Variants in IMMP2L observed in about 807,000 individuals in gnomAD.
IMMP2L encodes inner mitochondrial membrane peptidase subunit 2.
In IMMP2L, 18 loss-of-function variants were observed where a neutral mutation model predicts 19.3. The ratio of observed to expected loss-of-function variants is 0.93; its 90% confidence interval spans 0.64 to 1.38. The LOEUF (loss-of-function observed/expected upper bound fraction) is 1.38, where lower values mean the gene tolerates loss of function less well. IMMP2L is among the 40% of genes most tolerant of loss of function. The pLI, the probability that IMMP2L is intolerant of heterozygous loss-of-function variation, is 0.00. For synonymous variants in IMMP2L, 76 were observed against 73.0 expected (o/e 1.04, Z -0.21); for missense variants, 233 against 218.2 (o/e 1.07, Z -0.43).
chr7:111,451,297 G>T (rs1201200108), intron 3 of IMMP2L, among the ~76,000 whole-genome samples: 5 of 150,544 alleles, frequency 3.3e-5, no homozygotes, highest in Non-Finnish European at 4.4e-5. Flanking sequence ...CAATAGCAAA[G>T]ACTTGGAACC....
At chr7:110,784,329 G>A (rs553901273) in intron 5 of IMMP2L, among the ~76,000 whole-genome samples, 34 of 151,934 alleles carry the variant, frequency 2.2e-4, no homozygotes, top group African/African-American at 8.0e-4. Context: ...ATCATGTAAC[G>A]ACTGCATCTA....
chr7:110,780,331 AC>A (rs1799650220), intron 5 of IMMP2L, among the ~76,000 whole-genome samples: 2 of 151,332 alleles, frequency 1.3e-5, no homozygotes, highest in African/African-American at 2.4e-5. Context: ...GTTAAAAAAA[AC>A]AAACTGTTAC....
intron 5 of IMMP2L, among the ~76,000 whole-genome samples, chr7:110,718,569 A>G (rs1487408338): frequency 6.6e-6 from 1 of 152,222 alleles, no homozygotes; most frequent in Non-Finnish European, 1.5e-5. Flanking sequence ...GATAGAATGG[A>G]TAAAAACCAG....
At chr7:111,011,777 T>C (rs2129563710) in intron 3 of IMMP2L, among the ~76,000 whole-genome samples, 1 of 152,314 alleles carries the variant, frequency 6.6e-6, no homozygotes, top group Admixed American at 6.5e-5. Flanking sequence ...ACTTGTGTGA[T>C]TTTGATAGGC....
chr7:111,540,882 G>C (rs1848452572), intron 1 of IMMP2L, among the ~76,000 whole-genome samples: 1 of 152,084 alleles, frequency 6.6e-6, no homozygotes, highest in African/African-American at 2.4e-5. Flanking sequence ...CCAGTCAGGA[G>C]AGTAACGGAG....
chr7:111,193,781 T>C (rs1732985961), intron 3 of IMMP2L, among the ~76,000 whole-genome samples: 3 of 152,178 alleles, frequency 2.0e-5, no homozygotes, highest in Admixed American at 6.5e-5. Context: ...GGTTAGCTAA[T>C]AGTATTTTTA....
intron 3 of IMMP2L, among the ~76,000 whole-genome samples, chr7:111,148,253 C>T (rs1803694321): frequency 6.6e-6 from 1 of 151,996 alleles, no homozygotes; most frequent in Admixed American, 6.6e-5. Context: ...AGAATCCACT[C>T]ACAATAAGTT....
chr7:111,272,438 T>G (rs1213806779), intron 3 of IMMP2L, among the ~76,000 whole-genome samples: 1 of 152,188 alleles, frequency 6.6e-6, no homozygotes, highest in Non-Finnish European at 1.5e-5. Flanking sequence ...ACACTGCTAC[T>G]TTAGTATGAT....
intron 3 of IMMP2L, among the ~76,000 whole-genome samples, chr7:110,968,446 A>G (rs1819788499): frequency 6.6e-6 from 1 of 152,014 alleles, no homozygotes; most frequent in Non-Finnish European, 1.5e-5. Context: ...TATGAGGAGG[A>G]TGGATGGCTT....
At chr7:111,168,163 G>T (rs1465530577) in intron 3 of IMMP2L, among the ~76,000 whole-genome samples, 3 of 151,814 alleles carry the variant, frequency 2.0e-5, no homozygotes, top group Admixed American at 2.0e-4. Context: ...CTGTAAAAAT[G>T]GACTTAATTT....
chr7:111,351,337 C>T (rs1163819846), intron 3 of IMMP2L, among the ~76,000 whole-genome samples: 1 of 152,120 alleles, frequency 6.6e-6, no homozygotes, highest in Admixed American at 6.6e-5. Flanking sequence ...ATTACAGACG[C>T]GTGCCACCAC....
chr7:110,973,925 T>C (rs1426626175), intron 3 of IMMP2L, among the ~76,000 whole-genome samples: 1 of 152,054 alleles, frequency 6.6e-6, no homozygotes, highest in Non-Finnish European at 1.5e-5. Flanking sequence ...TGGGAGATTA[T>C]TAAGTCAAAA....
At chr7:111,360,508 GAA>G (rs1829160376) in intron 3 of IMMP2L, among the ~76,000 whole-genome samples, 1 of 151,972 alleles carries the variant, frequency 6.6e-6, no homozygotes, top group African/African-American at 2.4e-5. Context: ...GCCAGATATT[GAA>G]GAGATTTATG....
At chr7:110,773,080 C>G (rs1799144913) in intron 5 of IMMP2L, among the ~76,000 whole-genome samples, 1 of 151,760 alleles carries the variant, frequency 6.6e-6, no homozygotes. Context: ...GTATAAATTC[C>G]ACGTAACAAG....
rs772346929 is a variant in IMMP2L, at chr7:110,669,477, C to T, written c.409-5756G>A. The stretch of plus-strand genomic sequence containing the variant: ...TCAAAAGCACACTCAAAGAAACATC[C>T]GGAATAATGCTCGACCAAAGATCTG... On this transcript the variant is annotated intron_variant, in intron 5 of 5. Coordinates refer to ENST00000405709, the MANE Select transcript of IMMP2L (RefSeq NM_032549.4). Among the ~76,000 whole-genome samples, 102 of 152,248 alleles carry T rather than the reference C, an allele frequency of 6.7e-4. 2 individuals are homozygous for T. Among genetic ancestry groups the T allele is most frequent in the Admixed American group, 5.0e-3 (77 of 15,284 alleles).
At chr7:110,893,795 A>G (rs925400335) in intron 4 of IMMP2L, among the ~76,000 whole-genome samples, 2 of 152,200 alleles carry the variant, frequency 1.3e-5, no homozygotes, top group African/African-American at 4.8e-5. Context: ...GTTGGCTCAC[A>G]TGGTACGTGA....
chr7:110,819,149 C>A (rs890072461), intron 5 of IMMP2L, among the ~76,000 whole-genome samples: 3 of 151,868 alleles, frequency 2.0e-5, no homozygotes, highest in African/African-American at 4.8e-5. Flanking sequence ...TCAGTTCTGA[C>A]TGGAGAAGTT....
intron 5 of IMMP2L, among the ~76,000 whole-genome samples, chr7:110,809,672 C>A (rs572801267): frequency 6.6e-6 from 1 of 151,900 alleles, no homozygotes; most frequent in Non-Finnish European, 1.5e-5. Context: ...CTCAAATCTC[C>A]TAGAAAATAG....
chr7:111,533,822 A>C (rs1172068520), intron 1 of IMMP2L, among the ~76,000 whole-genome samples: 1 of 152,140 alleles, frequency 6.6e-6, no homozygotes, highest in Non-Finnish European at 1.5e-5. Context: ...TACAAAATCC[A>C]GAAAACATGA....
Sources: gnomAD v4.1 joint callset for allele counts (sites outside exome capture counted in the v4.1 genomes callset) on GRCh38, gnomAD v4.1.1 for gene constraint, MANE v1.5 for transcripts, NCBI Gene and HGNC (gene_info 2026-07-23, HGNC 2026-07-21) for gene names.